The following CD96 variants were observed in gnomAD, a reference collection of about 807,000 sequenced individuals.
CD96 encodes the protein T-cell surface protein tactile.
A neutral mutation model predicts 71.3 loss-of-function variants in CD96; 70 were observed. The ratio of observed to expected loss-of-function variants is 0.98; its 90% CI spans 0.81 to 1.20. The LOEUF (loss-of-function observed/expected upper bound fraction) is 1.20, where lower values mean the gene tolerates loss of function less well. Ranked by LOEUF, CD96 falls within the 50% of genes most tolerant of loss-of-function variation. The pLI is 0.00. For missense variants in CD96, 742 were observed against 677.5 expected (o/e 1.10, Z -1.06); for synonymous variants, 248 against 233.0 (o/e 1.06, Z -0.59).
At chr3:111,653,810 TA>T (rs759383594), downstream of CD96, among the ~76,000 whole-genome samples, 144 of 149,848 alleles carry the variant, frequency 9.6e-4, no homozygotes, top group Non-Finnish European at 1.4e-3. Flanking sequence ...TGAGAAGCGA[TA>T]ATTTTTTTTT....
At chr3:111,643,790 T>G (rs1365062348) in intron 12 of CD96, among the ~76,000 whole-genome samples, 1 of 146,920 alleles carries the variant, frequency 6.8e-6, no homozygotes, top group Non-Finnish European at 1.5e-5. Context: ...GGAGTCTAAA[T>G]TCCTCTAAAA....
chr3:111,642,916 C>A (rs1939657991), intron 12 of CD96, among the ~76,000 whole-genome samples: 1 of 138,256 alleles, frequency 7.2e-6, no homozygotes, highest in African/African-American at 3.1e-5. Flanking sequence ...GGTACCAATC[C>A]TATTGACACT....
Position 111,637,205 on chromosome 3 carries a change from G to T in CD96, c.1331G>T (p.Arg444Leu), listed in dbSNP as rs757166245. The change falls in exon 11 of 14, where the codon CGG becomes CTG. Residue 444 changes from arginine to leucine, a missense_variant. Transcript: ENST00000352690. ...TATCTTCTTCCTTTAGCAGTTTCAC[G>T]GATACCTAGTGAAACATACAGTTCA... Reference protein sequence around the residue: ...SGTDTKKSVSRIPSETYSSSP... With the variant: ...SGTDTKKSVSLIPSETYSSSP... 1.9e-6 allele frequency: 3 copies of T among 1,565,724 alleles called. No homozygotes were observed. The African/African-American group carries it at 4.1e-5, about 21-fold the overall frequency.
chr3:111,646,920 A>G (rs1939855134), intron 12 of CD96, among the ~76,000 whole-genome samples: 1 of 152,022 alleles, frequency 6.6e-6, no homozygotes, highest in African/African-American at 2.4e-5. Flanking sequence ...TTGCAGCAGC[A>G]TGGATGGAAC....
At chr3:111,590,799 A>G (rs932112392) in intron 5 of CD96, among the ~76,000 whole-genome samples, 2 of 152,228 alleles carry the variant, frequency 1.3e-5, no homozygotes, top group African/African-American at 4.8e-5. Flanking sequence ...ATGTAGCATA[A>G]GAAGGCACAA....
chr3:111,580,990 A>G (rs777046024), intron 4 of CD96, among the ~76,000 whole-genome samples: 7 of 152,184 alleles, frequency 4.6e-5, no homozygotes, highest in Non-Finnish European at 1.0e-4. Context: ...TTGCATCATA[A>G]CTTGATCTAA....
chr3:111,596,006 G>A (rs895119655), intron 5 of CD96, among the ~76,000 whole-genome samples: 2 of 151,400 alleles, frequency 1.3e-5, no homozygotes, highest in African/African-American at 4.8e-5. Flanking sequence ...TACTAAAAAT[G>A]CAAAAATTAG....
chr3:111,623,183 T>A (rs944025307), intron 8 of CD96, among the ~76,000 whole-genome samples: 2 of 152,200 alleles, frequency 1.3e-5, no homozygotes, highest in African/African-American at 4.8e-5. Flanking sequence ...TTAATCTACC[T>A]TGCTTTATAT....
chr3:111,641,688 G>A (rs899999027), intron 12 of CD96, among the ~76,000 whole-genome samples: 9 of 152,082 alleles, frequency 5.9e-5, no homozygotes, highest in Non-Finnish European at 8.8e-5. Flanking sequence ...AACAACTGCC[G>A]AATACACACT....
At chr3:111,619,322 G>C (rs9868266) in intron 8 of CD96, among the ~76,000 whole-genome samples, 1 of 152,064 alleles carries the variant, frequency 6.6e-6, no homozygotes, top group African/African-American at 2.4e-5. Flanking sequence ...AGCCAGGAAG[G>C]CTTCAAACCT....
At chr3:111,634,545 T>G (rs750927952) in intron 10 of CD96, 7 of 152,290 alleles carry the variant, frequency 4.6e-5, no homozygotes, top group Non-Finnish European at 8.8e-5. Context: ...GAGAATTACC[T>G]CATGCAGTTA....
At chr3:111,551,875 C>T (rs1934725613) in intron 2 of CD96, among the ~76,000 whole-genome samples, 1 of 152,158 alleles carries the variant, frequency 6.6e-6, no homozygotes, top group Non-Finnish European at 1.5e-5. Context: ...AATGGCCACA[C>T]TGTCTTCCAC....
Position 111,544,904 on chromosome 3 carries a change from C to A in CD96, c.62-142C>A, listed in dbSNP as rs960455525. On this transcript the variant is annotated intron_variant, in intron 1 of 13. Coordinates refer to ENST00000352690, the MANE Select transcript of CD96 (RefSeq NM_005816.5). Reference sequence around the variant, plus strand: ...CATGCATCTCTATCTGAGTGAGACACAAGCTCTACTCTATTCCTAAAGCAG... The same window carrying A: ...CATGCATCTCTATCTGAGTGAGACAAAAGCTCTACTCTATTCCTAAAGCAG... The A allele has an allele frequency of 6.1e-5, 45 of 740,584 alleles. No individual in the cohort carries two copies. In the African/African-American group the frequency reaches 6.4e-4, roughly 11 times the overall value. The allele number at this position is 740,584 out of a possible 1,614,324, so 45.9% of individuals were successfully genotyped here.
chr3:111,590,169 C>T (rs1020438493), intron 5 of CD96, among the ~76,000 whole-genome samples: 3 of 152,194 alleles, frequency 2.0e-5, no homozygotes, highest in East Asian at 1.9e-4. Context: ...TTTGAATTCT[C>T]TTCCAGCACT....
chr3:111,605,413 G>T (rs533794371), intron 7 of CD96, among the ~76,000 whole-genome samples: 1 of 152,272 alleles, frequency 6.6e-6, no homozygotes, highest in African/African-American at 2.4e-5. Context: ...TTGGATAGAG[G>T]GGATTATTTG....
chr3:111,561,360 A>C (rs1312924380), intron 2 of CD96, among the ~76,000 whole-genome samples: 1 of 146,542 alleles, frequency 6.8e-6, no homozygotes, highest in East Asian at 2.0e-4. Context: ...TCGGTCTTTG[A>C]TGATGGTGAT....
intron 5 of CD96, chr3:111,594,166 T>C (rs747985994): frequency 3.7e-6 from 6 of 1,608,300 alleles, no homozygotes; most frequent in Non-Finnish European, 5.1e-6. Flanking sequence ...CCTTCATCAT[T>C]GTTCCCTCCT....
intron 14 of CD96, among the ~76,000 whole-genome samples, chr3:111,659,086 T>A (rs1940296890): frequency 6.6e-6 from 1 of 152,238 alleles, no homozygotes; most frequent in Admixed American, 6.5e-5. Context: ...TATTCAAGAT[T>A]TCAATTGCTT....
In CD96 at chr3:111,628,995, G is replaced by C. The variant is rs149576444; in HGVS notation, c.1321+4591G>C. Reference sequence around the variant, plus strand: ...ATGCATTACCACCAGATCTGCTTTAGAAGAGGTCCTGAAGGAAGCACTAAA... The same window carrying C: ...ATGCATTACCACCAGATCTGCTTTACAAGAGGTCCTGAAGGAAGCACTAAA... On this transcript the variant is annotated intron_variant, in intron 10 of 13. Transcript: ENST00000352690. Among the ~76,000 whole-genome samples, 1,147 of 152,212 alleles carry C rather than the reference G, an allele frequency of 7.5e-3. 17 individuals are homozygous for C. The highest frequency in any genetic ancestry group is 0.026 in the African/African-American group (1,088 of 41,526).
Sources: gnomAD v4.1 joint callset for allele counts (sites outside exome capture counted in the v4.1 genomes callset) on GRCh38, gnomAD v4.1.1 for gene constraint, MANE v1.5 for transcripts, NCBI Gene and HGNC (gene_info 2026-07-23, HGNC 2026-07-21) for gene names.